PDZD2: variants seen among roughly 807,000 people sequenced by gnomAD.
PDZD2 encodes PDZ domain containing 2.
In PDZD2, 90 loss-of-function variants were observed where a neutral mutation model predicts 220.7. The observed-to-expected ratio is 0.41, with a 90% CI of 0.34 to 0.49. PDZD2 has a LOEUF of 0.49. Among genes scored for constraint, PDZD2 ranks in the 20% least tolerant of loss-of-function variants. The probability of loss-of-function intolerance (pLI) is 0.28; values close to 1 mark genes in which losing one functional copy is unlikely to be tolerated. For synonymous variants in PDZD2, 1,375 were observed against 1,450.5 expected, an observed-to-expected ratio of 0.95 and a Z score of 1.18; for missense variants, 3,174 against 3,608.5, an observed-to-expected ratio of 0.88 and a Z score of 3.08.
intron 15 of PDZD2, 132 bp from the exon 16 acceptor site, chr5:32,071,252 A>C (rs556159741): frequency 4.0e-6 from 3 of 746,772 alleles, no homozygotes; most frequent in African/African-American, 3.4e-5. Context: ...AACCCTGTGC[A>C]TGCAGCCCGT....
chr5:31,765,041 C>T (rs1217587374), intron 1 of PDZD2, among the ~76,000 whole-genome samples: 2 of 151,418 alleles, frequency 1.3e-5, no homozygotes, highest in Non-Finnish European at 2.9e-5. Flanking sequence ...CACGCTACTG[C>T]ACTCCAGCCT....
chr5:32,089,906 A>G lies in PDZD2; in HGVS notation c.6458A>G (p.Gln2153Arg). The G allele has an allele frequency of 1.2e-6, 2 of 1,612,830 alleles. No individual in the cohort carries two copies. The highest frequency in any genetic ancestry group is 2.2e-5 in the East Asian group (1 of 44,844). ...TCCTCACTCCCATCTCATGCCTCCCAGGCAGAGCAGGAAATGTCACGATCA... is the reference window on the plus strand; with the variant it reads ...TCCTCACTCCCATCTCATGCCTCCCGGGCAGAGCAGGAAATGTCACGATCA... Reference protein sequence around the residue: ...HPSSLPSHASQAEQEMSRSFS... With the variant: ...HPSSLPSHASRAEQEMSRSFS... The change falls in exon 20 of 25, where the codon CAG (glutamine) becomes CGG (arginine). Residue 2153 changes from glutamine (Q) to arginine (R), a missense_variant. By Grantham distance (43) the Gln-to-Arg change is conservative. Around this residue, in one of 4 missense-constraint regions of PDZD2, gnomAD observed 1,861 missense variants for 2,001.0 expected, o/e 0.93. Transcript: ENST00000438447.
At position 32,087,627 on chromosome 5, in the gene PDZD2, C is replaced by T. The variant is rs749477228; in HGVS notation, c.4179C>T (p.Ser1393=). The T allele has an allele frequency of 6.2e-7, 1 of 1,614,188 alleles. No homozygotes were observed. ...TGTCCTCAAGGGCACCGCAGGCCAG[C>T]CTCTCCATGCTGCCATCCACTGACA... ...DSVSSRAPQA[S]LSMLPSTDNT... Residue 1393 remains serine (S), a synonymous_variant, in exon 20 of 25, where the codon AGC becomes AGT. Coordinates refer to ENST00000438447, the MANE Select transcript of PDZD2 (RefSeq NM_178140.4). The surrounding 1 kb of genome is among the most constrained non-coding windows in gnomAD (Gnocchi z 4.0).
At chr5:31,915,703 G>A (rs539183932) in intron 2 of PDZD2, among the ~76,000 whole-genome samples, 4 of 152,200 alleles carry the variant, frequency 2.6e-5, no homozygotes, top group East Asian at 1.9e-4. Flanking sequence ...TTAACTCTTC[G>A]TAGAGACAAA....
chr5:32,107,813 T>C (rs1445829013), intron 24 of PDZD2, among the ~76,000 whole-genome samples, 156 bp from the exon 25 acceptor site: 4 of 152,218 alleles, frequency 2.6e-5, no homozygotes, highest in African/African-American at 9.6e-5. Context: ...CAGTTTACTT[T>C]TATGGATATA....
intron 1 of PDZD2, among the ~76,000 whole-genome samples, chr5:31,795,779 C>T (rs1325980970): frequency 6.6e-6 from 1 of 152,132 alleles, no homozygotes; most frequent in East Asian, 1.9e-4. Flanking sequence ...GATATTGATG[C>T]TTCTACTTCC....
At chr5:31,857,700 G>T (rs1009781896) in intron 2 of PDZD2, among the ~76,000 whole-genome samples, 1 of 152,280 alleles carries the variant, frequency 6.6e-6, no homozygotes, top group South Asian at 2.1e-4. Context: ...TTCATTGTAA[G>T]ACTTGGTGTG....
intron 2 of PDZD2, among the ~76,000 whole-genome samples, chr5:31,938,098 GAC>G (rs140636725): frequency 2.6e-4 from 39 of 152,352 alleles, no homozygotes; most frequent in African/African-American, 8.9e-4. Flanking sequence ...CCCATTTAGA[GAC>G]AGAGTTTCAC....
rs78337172 is a variant in PDZD2 at position 32,055,949 on chromosome 5, G to A, written c.1901-1706G>A. Among the ~76,000 whole-genome samples the A allele has an allele frequency of 3.8e-3, 585 of 152,100 alleles. 3 individuals are homozygous for A. Among genetic ancestry groups the A allele is most frequent in the Non-Finnish European group, 4.8e-3 (329 of 67,996 alleles). ...CAAGGCTGGTAAAATGGAGCAAAAC[G>A]GGGAAAAAAAATCAATAGTTAAGAA... On this transcript the variant is annotated intron_variant, in intron 10 of 24. Transcript: ENST00000438447.
chr5:31,842,352 G>A (rs551701924), intron 2 of PDZD2, among the ~76,000 whole-genome samples: 75 of 152,288 alleles, frequency 4.9e-4, no homozygotes, highest in African/African-American at 1.4e-3. Flanking sequence ...AGTTACAGAC[G>A]AGAGAATCCA....
intron 14 of PDZD2, among the ~76,000 whole-genome samples, chr5:32,062,566 A>C (rs1739791712): frequency 6.6e-6 from 1 of 151,652 alleles, no homozygotes; most frequent in Admixed American, 6.6e-5. Flanking sequence ...GCTAATTTTT[A>C]CATTTTTGGT....
chr5:31,647,547 T>C (rs1465207863), intron 1 of PDZD2, among the ~76,000 whole-genome samples: 1 of 152,216 alleles, frequency 6.6e-6, no homozygotes, highest in Non-Finnish European at 1.5e-5. Context: ...CTTGCACTGC[T>C]TCAGCCCAGT....
In PDZD2 at chr5:31,959,910, G is replaced by C. The variant is rs1031380467; in HGVS notation, c.477-23245G>C. ...TTTCTAGTGGTTGGAGGCATTCCTG[G>C]CATTTCTCGGCTGGTAGACACATCC... On this transcript the variant is annotated intron_variant, in intron 2 of 24. Transcript: ENST00000438447. Among the ~76,000 whole-genome samples, 6 of 151,990 alleles carry C rather than the reference G, an allele frequency of 3.9e-5. 1 individual carries two copies. In the South Asian group the frequency reaches 1.3e-3, roughly 32 times the overall value.
chr5:31,878,439 C>T (rs955878383), intron 2 of PDZD2, among the ~76,000 whole-genome samples: 1 of 152,026 alleles, frequency 6.6e-6, no homozygotes, highest in East Asian at 1.9e-4. Context: ...CCATGAATGG[C>T]ATAGCTTGCT....
chr5:31,756,246 C>T (rs1435982314), intron 1 of PDZD2, among the ~76,000 whole-genome samples: 1 of 152,094 alleles, frequency 6.6e-6, no homozygotes, highest in East Asian at 1.9e-4. Flanking sequence ...TGAGATGCGG[C>T]CTGGAGTGAA....
intron 1 of PDZD2, among the ~76,000 whole-genome samples, chr5:31,707,698 C>T (rs1454231065): frequency 6.6e-6 from 1 of 152,166 alleles, no homozygotes; most frequent in Non-Finnish European, 1.5e-5. Context: ...TGCAGTCATA[C>T]TTCACTGTAG....
At chr5:31,995,453 G>C (rs913552697) in intron 3 of PDZD2, 123 bp from the exon 4 acceptor site, 13 of 1,003,840 alleles carry the variant, frequency 1.3e-5, no homozygotes, top group Non-Finnish European at 1.7e-5. Context: ...TTTCTCCTGT[G>C]ATAATCTGTG....
At chr5:31,767,864 A>G (rs1050284309) in intron 1 of PDZD2, among the ~76,000 whole-genome samples, 2 of 152,220 alleles carry the variant, frequency 1.3e-5, no homozygotes, top group Admixed American at 6.5e-5. Context: ...ACTGCTATTT[A>G]GTCATTTTCA....
intron 2 of PDZD2, among the ~76,000 whole-genome samples, chr5:31,810,424 C>G (rs10037898): frequency 7.2e-5 from 11 of 152,084 alleles, no homozygotes; most frequent in African/African-American, 2.4e-4. Flanking sequence ...CACCACGCCT[C>G]ACTAAATTTT....
Sources: gnomAD v4.1 joint callset for allele counts (sites outside exome capture counted in the v4.1 genomes callset) on GRCh38, gnomAD v4.1.1 for gene constraint, gnomAD v4.1.1 regional missense constraint, Gnocchi (gnomAD v3.1) non-coding constraint, MANE v1.5 for transcripts, NCBI Gene and HGNC (gene_info 2026-07-23, HGNC 2026-07-21) for gene names.